KCNJ6: variants seen among roughly 807,000 people sequenced by gnomAD.
The protein encoded by KCNJ6 is potassium inwardly rectifying channel subfamily J member 6, also known as G protein-activated inward rectifier potassium channel 2.
KCNJ6 carries 9 observed loss-of-function variants against 34.2 expected under a neutral mutation model. That is an observed-to-expected ratio of 0.26 (90% CI 0.16 to 0.46). KCNJ6 has a LOEUF of 0.46. Among genes scored for constraint, KCNJ6 ranks in the 20% least tolerant of loss-of-function variants. The pLI is 1.00. For missense variants in KCNJ6, 236 were observed against 531.3 expected (o/e 0.44, Z 5.46); for synonymous variants, 196 against 207.1 (o/e 0.95, Z 0.46).
rs562292449 is a variant in KCNJ6 at position 37,772,731 on chromosome 21, G to A, written c.26-57600C>T. On this transcript the variant is annotated intron_variant, in intron 2 of 3. Coordinates refer to ENST00000609713, the MANE Select transcript of KCNJ6 (RefSeq NM_002240.5). ...AGGTAGTTCATTTGGCTTTCTTACC[G>A]TGTTTACTTTTATATTACTTCTAAA... is the stretch of plus-strand genomic sequence containing the variant. Among the ~76,000 whole-genome samples, 19 of 152,092 alleles carry A rather than the reference G, an allele frequency of 1.2e-4. No homozygotes were observed. The East Asian group carries it at 3.3e-3, about 26-fold the overall frequency.
chr21:37,783,415 G>T (rs541487758), intron 2 of KCNJ6, among the ~76,000 whole-genome samples: 1 of 152,242 alleles, frequency 6.6e-6, no homozygotes, highest in Admixed American at 6.5e-5. Context: ...AGATCTGATG[G>T]TTTTATCAGG....
intron 2 of KCNJ6, among the ~76,000 whole-genome samples, chr21:37,813,198 TAAAG>T (rs539471095): frequency 2.0e-3 from 302 of 152,002 alleles, no homozygotes; most frequent in African/African-American, 6.7e-3. Context: ...ACCTAGGAAA[TAAAG>T]AAGTGAAAAT....
intron 1 of KCNJ6, among the ~76,000 whole-genome samples, chr21:37,904,673 T>G (rs943178706): frequency 6.6e-6 from 1 of 152,190 alleles, no homozygotes; most frequent in Non-Finnish European, 1.5e-5. Context: ...CCCAGTGACT[T>G]CTATCAAAGC....
chr21:37,658,492 C>T lies in KCNJ6; in HGVS notation c.947-33008G>A, dbSNP rs2054474326. On this transcript the variant is annotated intron_variant, in intron 3 of 3. Transcript: ENST00000609713. ...CAGGCTAAGCGATGTTAGCAGGCAA[C>T]TTTGTGATAGATTTAGAAAGCCCCG... is the stretch of plus-strand genomic sequence containing the variant. 2.0e-5 allele frequency among the ~76,000 whole-genome samples: 3 copies of T among 152,220 alleles called. No individual in the cohort carries two copies. In the South Asian group the frequency reaches 6.2e-4, roughly 31 times the overall value.
intron 2 of KCNJ6, among the ~76,000 whole-genome samples, chr21:37,810,180 C>A (rs1333826523): frequency 6.6e-6 from 1 of 152,164 alleles, no homozygotes; most frequent in Admixed American, 6.5e-5. Context: ...TCATATTATA[C>A]ATAACACCCT....
intron 2 of KCNJ6, among the ~76,000 whole-genome samples, chr21:37,822,156 A>G: frequency 6.6e-6 from 1 of 152,212 alleles, no homozygotes; most frequent in South Asian, 2.1e-4. Context: ...GGAGAGACAG[A>G]TGTAATAACA....
chr21:37,702,838 A>G (rs75726074), intron 3 of KCNJ6, among the ~76,000 whole-genome samples: 3,683 of 152,198 alleles, frequency 0.024, 105 homozygotes, highest in African/African-American at 0.068. Context: ...ATGAGTGCCA[A>G]GGAAGAAAGT....
rs1556007713 is a variant in KCNJ6 at position 37,607,463 on chromosome 21, G to GATAGATATAT, written c.*17695_*17696insATATATCTAT. ...TTCCCTAACACAGCGAGTTCTTAAA[G>GATAGATATAT]ATATATATATATATATATATTTTTT... On this transcript the variant is annotated 3_prime_UTR_variant, in exon 4 of 4. Transcript: ENST00000609713. 3 of 128,726 alleles carry GATAGATATAT rather than the reference G, an allele frequency of 2.3e-5. No homozygotes were observed. Among genetic ancestry groups the GATAGATATAT allele is most frequent in the African/African-American group, 8.8e-5 (3 of 34,070 alleles). 8.0% of individuals were successfully genotyped at this position (128,726 alleles called of 1,614,324 possible). A position where few individuals can be genotyped will look rare whatever the true frequency, so the allele number is the denominator to read the frequency against.
intron 3 of KCNJ6, among the ~76,000 whole-genome samples, chr21:37,655,221 GTGTGAGA>G (rs2054455870): frequency 5.3e-5 from 1 of 18,880 alleles, no homozygotes; most frequent in African/African-American, 8.1e-5. Flanking sequence ...GTGTGTGTGT[GTGTGAGA>G]GAGAGAGAGA....
At chr21:37,762,289 A>G (rs1266725440) in intron 2 of KCNJ6, among the ~76,000 whole-genome samples, 1 of 152,188 alleles carries the variant, frequency 6.6e-6, no homozygotes, top group Non-Finnish European at 1.5e-5. Context: ...GCCACACTCC[A>G]GTGGCTTCTT....
chr21:37,863,853 T>G (rs2055607437), intron 1 of KCNJ6, among the ~76,000 whole-genome samples: 1 of 77,292 alleles, frequency 1.3e-5, no homozygotes, highest in South Asian at 5.5e-4. Flanking sequence ...AAGGTTTTTT[T>G]TTTTTTGTTT....
chr21:37,744,286 C>T (rs2054956051), intron 2 of KCNJ6, among the ~76,000 whole-genome samples: 1 of 151,814 alleles, frequency 6.6e-6, no homozygotes, highest in South Asian at 2.1e-4. Context: ...ACATTGTGCA[C>T]ATGTACCCTA....
intron 2 of KCNJ6, among the ~76,000 whole-genome samples, chr21:37,754,095 T>C: frequency 6.6e-6 from 1 of 152,212 alleles, no homozygotes; most frequent in East Asian, 1.9e-4. Context: ...AGCTAATAAT[T>C]AAACCTGGAT....
intron 3 of KCNJ6, among the ~76,000 whole-genome samples, chr21:37,670,402 G>A (rs1406210862): frequency 6.6e-6 from 1 of 152,086 alleles, no homozygotes; most frequent in Non-Finnish European, 1.5e-5. Flanking sequence ...CTGCAAAATG[G>A]CCATTGGAAT....
chr21:37,822,842 G>A (rs1305259931), intron 2 of KCNJ6, among the ~76,000 whole-genome samples: 4 of 152,284 alleles, frequency 2.6e-5, no homozygotes, highest in South Asian at 4.1e-4. Context: ...AGCTCAGAAT[G>A]TTTCAGTGGA....
rs2054784309 is a variant in KCNJ6, at chr21:37,715,249, C to G, written c.26-118G>C. 11 of 847,012 alleles carry G rather than the reference C, an allele frequency of 1.3e-5. No homozygotes were observed. The South Asian group carries it at 2.0e-4, about 15-fold the overall frequency. The allele number at this position is 847,012 out of a possible 1,614,324, so 52.5% of individuals were successfully genotyped here. A position where few individuals can be genotyped will look rare whatever the true frequency, so the allele number is the denominator to read the frequency against. ...CAAATACCATTTGTGTAGCTATAAA[C>G]AAAGTAGACAAAGCCATTTTTATTC... On this transcript the variant is annotated intron_variant, in intron 2 of 3. Transcript: ENST00000609713.
At chr21:37,914,006 GGGGTGTGTGTGTGTGTGTGTGTGTGT>G (rs1568894457) in intron 1 of KCNJ6, among the ~76,000 whole-genome samples, 5 of 79,690 alleles carry the variant, frequency 6.3e-5, no homozygotes, top group African/African-American at 2.2e-4. Context: ...GAGGCGGATC[GGGGTGTGTGTGTGTGTGTGTGTGTGT>G]GTGTGTGTGT....
intron 2 of KCNJ6, among the ~76,000 whole-genome samples, chr21:37,773,155 C>T (rs958959808): frequency 4.6e-5 from 7 of 152,168 alleles, no homozygotes; most frequent in African/African-American, 1.7e-4. Flanking sequence ...TCCTTTTCCA[C>T]TGTTTTCTTG....
At chr21:37,777,589 C>T (rs1256230967) in intron 2 of KCNJ6, among the ~76,000 whole-genome samples, 1 of 152,048 alleles carries the variant, frequency 6.6e-6, no homozygotes, top group African/African-American at 2.4e-5. Context: ...TAATTAAGAA[C>T]CAGGTACTAA....
Sources: gnomAD v4.1 joint callset for allele counts (sites outside exome capture counted in the v4.1 genomes callset) on GRCh38, gnomAD v4.1.1 for gene constraint, MANE v1.5 for transcripts, NCBI Gene and HGNC (gene_info 2026-07-23, HGNC 2026-07-21) for gene names.